Variants in BCL9 observed in about 807,000 individuals in gnomAD.
The protein encoded by BCL9 is B-cell CLL/lymphoma 9 protein.
BCL9 carries 25 observed loss-of-function variants against 88.5 expected under a neutral mutation model. The observed-to-expected ratio is 0.28, with a 90% confidence interval of 0.21 to 0.39. The LOEUF (loss-of-function observed/expected upper bound fraction) is 0.39. Among genes scored for constraint, BCL9 ranks in the 10% least tolerant of loss-of-function variants. BCL9 has a pLI of 1.00. For missense variants in BCL9, 1,817 were observed against 1,877.8 expected (o/e 0.97, Z 0.60); for synonymous variants, 711 against 673.3 (o/e 1.06, Z -0.87).
At chr1:147,573,179 G>T (rs782604267) in intron 1 of BCL9, among the ~76,000 whole-genome samples, 2 of 152,108 alleles carry the variant, frequency 1.3e-5, no homozygotes, top group Admixed American at 1.3e-4. Context: ...GGCCGGGAGC[G>T]GTGGCTCACT....
intron 1 of BCL9, among the ~76,000 whole-genome samples, chr1:147,568,198 T>C (rs1475052238): frequency 2.0e-5 from 3 of 152,228 alleles, no homozygotes; most frequent in Non-Finnish European, 4.4e-5. Context: ...TAGGCTGTCA[T>C]AGGATTGAAG....
At chr1:147,557,493 C>G (rs1655166691) in intron 1 of BCL9, among the ~76,000 whole-genome samples, 1 of 152,160 alleles carries the variant, frequency 6.6e-6, no homozygotes, top group Non-Finnish European at 1.5e-5. Flanking sequence ...GACAAGACAT[C>G]TGTGGTAAGT....
intron 1 of BCL9, among the ~76,000 whole-genome samples, chr1:147,565,301 C>A (rs1655551862): frequency 1.3e-5 from 2 of 152,192 alleles, no homozygotes; most frequent in Admixed American, 1.3e-4. Context: ...CCATGCAACT[C>A]TTCAATGGAT....
intron 1 of BCL9, among the ~76,000 whole-genome samples, chr1:147,573,718 C>T (rs1553197759): frequency 6.6e-6 from 1 of 152,152 alleles, no homozygotes; most frequent in African/African-American, 2.4e-5. Context: ...TCAGAAAATT[C>T]ATGTACTACA....
rs990056601 is a variant in BCL9, at chr1:147,588,961, C to T, written c.-477-15816C>T. Among the ~76,000 whole-genome samples the T allele has an allele frequency of 3.3e-5, 5 of 152,132 alleles. No individual in the cohort carries two copies. In the South Asian group the frequency reaches 1.0e-3, roughly 32 times the overall value. On this transcript the variant is annotated intron_variant, in intron 1 of 9. Coordinates refer to ENST00000234739, the MANE Select transcript of BCL9 (RefSeq NM_004326.4). ...GCAATTTTCCTCCAGGCAGATTTAC[C>T]CTACTGTTTGCCATGCCTTGGGGCT...
chr1:147,611,375 G>A (rs1310315910), intron 3 of BCL9, among the ~76,000 whole-genome samples: 2 of 152,174 alleles, frequency 1.3e-5, no homozygotes, highest in Non-Finnish European at 2.9e-5. Flanking sequence ...ATGCTTGGCA[G>A]GAAGTCCTAG....
At chr1:147,548,116 G>T (rs587688540) in intron 1 of BCL9, among the ~76,000 whole-genome samples, 20 of 152,264 alleles carry the variant, frequency 1.3e-4, no homozygotes, top group African/African-American at 4.8e-4. Context: ...CCTTGGAGTA[G>T]CTTTTTATCT....
chr1:147,605,378 G>GA (rs1657641704), intron 2 of BCL9, among the ~76,000 whole-genome samples: 1 of 152,198 alleles, frequency 6.6e-6, no homozygotes, highest in Admixed American at 6.5e-5. Context: ...AATGCCGGGG[G>GA]CCATGGAGGA....
Position 147,621,036 on chromosome 1 carries a change from A to G in BCL9, c.2881A>G (p.Met961Val). The part of the protein sequence containing the change: ...KAPLTMASPA[M>V]LGNVESGGPP... ...ACCCCTCACCATGGCCTCCCCAGCCATGCTGGGAAATGTAGAGTCAGGTCA... is the reference window on the plus strand; with the variant it reads ...ACCCCTCACCATGGCCTCCCCAGCCGTGCTGGGAAATGTAGAGTCAGGTCA... The change falls in exon 8 of 10, where the codon ATG becomes GTG. Residue 961 changes from methionine to valine, a missense_variant. Met to Val is a conservative substitution (Grantham distance 21, BLOSUM62 1). Around this residue, in one of 2 missense-constraint regions of BCL9, gnomAD observed 589 missense variants for 686.2 expected, o/e 0.86. Transcript: ENST00000234739. The G allele has an allele frequency of 6.2e-7, 1 of 1,613,500 alleles. No individual in the cohort carries two copies. The highest frequency in any genetic ancestry group is 8.5e-7 in the Non-Finnish European group (1 of 1,179,794).
At chr1:147,617,483 A>G (rs1351243125) in intron 7 of BCL9, among the ~76,000 whole-genome samples, 1 of 152,048 alleles carries the variant, frequency 6.6e-6, no homozygotes, top group Non-Finnish European at 1.5e-5. Flanking sequence ...TGGATATGAA[A>G]TATACTTTTA....
intron 1 of BCL9, among the ~76,000 whole-genome samples, chr1:147,600,535 G>C (rs1553201120): frequency 2.0e-5 from 3 of 151,746 alleles, no homozygotes; most frequent in African/African-American, 7.3e-5. Context: ...ACCTGTGGGG[G>C]GAGGTGGGGG....
chr1:147,591,004 A>G (rs1470900472), intron 1 of BCL9, among the ~76,000 whole-genome samples: 5 of 152,174 alleles, frequency 3.3e-5, no homozygotes, highest in Non-Finnish European at 7.3e-5. Flanking sequence ...GCATAAGGAG[A>G]AAGGCAGTGC....
intron 8 of BCL9, among the ~76,000 whole-genome samples, chr1:147,621,269 CTG>C (rs1284781973): frequency 8.7e-5 from 13 of 148,910 alleles, no homozygotes; most frequent in African/African-American, 3.0e-4. Flanking sequence ...GTCAGAGAGA[CTG>C]TTAAAAGGAA....
intron 1 of BCL9, among the ~76,000 whole-genome samples, chr1:147,590,859 G>A (rs1481333286): frequency 1.3e-5 from 2 of 152,166 alleles, no homozygotes; most frequent in African/African-American, 2.4e-5. Flanking sequence ...ATTATTAATC[G>A]TTATGATGGG....
Position 147,620,611 on chromosome 1 carries a change from C to G in BCL9, c.2456C>G (p.Pro819Arg). The G allele has an allele frequency of 6.2e-7, 1 of 1,614,176 alleles. No homozygotes were observed. The highest frequency in any genetic ancestry group is 1.1e-5 in the South Asian group (1 of 91,082). Residue 819 changes from proline to arginine, a missense_variant, in exon 8 of 10, where the codon CCA (proline) becomes CGA (arginine). Coordinates refer to ENST00000234739, the MANE Select transcript of BCL9 (RefSeq NM_004326.4). ...AACAGCCGGCTCAGTCATATGCCAC[C>G]ACTACCTCTCAACCCTTCCAGTAAC... ...RTNSRLSHMP[P>R]LPLNPSSNPT...
chr1:147,570,183 A>G (rs79904360), intron 1 of BCL9, among the ~76,000 whole-genome samples: 1,897 of 152,330 alleles, frequency 0.012, 22 homozygotes, highest in East Asian at 0.056. Context: ...GTAAGCAGCA[A>G]TTGAAACTAT....
intron 2 of BCL9, among the ~76,000 whole-genome samples, chr1:147,605,903 G>A (rs587634929): frequency 1.3e-5 from 2 of 152,170 alleles, no homozygotes; most frequent in East Asian, 1.9e-4. Context: ...TTAGAGCAGG[G>A]AAATGGGAAA....
At chr1:147,575,887 T>C (rs1656087120) in intron 1 of BCL9, among the ~76,000 whole-genome samples, 1 of 152,220 alleles carries the variant, frequency 6.6e-6, no homozygotes, top group South Asian at 2.1e-4. Flanking sequence ...TCTGCAATCT[T>C]TAAAAATGTA....
intron 1 of BCL9, among the ~76,000 whole-genome samples, chr1:147,543,547 G>A (rs1654425708): frequency 6.6e-6 from 1 of 152,170 alleles, no homozygotes; most frequent in African/African-American, 2.4e-5. Context: ...AAATAAAGCT[G>A]TATTTTATGC....
Sources: allele counts gnomAD v4.1 joint callset (sites outside exome capture counted in the v4.1 genomes callset), GRCh38; gene constraint gnomAD v4.1.1; regional missense constraint gnomAD v4.1.1; transcripts MANE v1.5; gene names NCBI Gene and HGNC (gene_info 2026-07-23, HGNC 2026-07-21).